The following PKP2 variants were observed in gnomAD, a reference collection of about 807,000 sequenced individuals.
PKP2 encodes plakophilin-2.
In PKP2, 73 loss-of-function variants were observed where a neutral mutation model predicts 83.4. That is an observed-to-expected ratio of 0.88 (90% confidence interval 0.72 to 1.06). The LOEUF is 1.06. Ranked by LOEUF, PKP2 falls within the 50% of genes least tolerant of loss-of-function variation. PKP2 has a pLI of 0.00. For synonymous variants in PKP2, 409 were observed against 430.4 expected, an observed-to-expected ratio of 0.95 and a Z score of 0.62; for missense variants, 966 against 1,065.4, an observed-to-expected ratio of 0.91 and a Z score of 1.30.
At chr12:32,877,736 T>G in intron 3 of PKP2, 110 bp downstream of exon 3, 2 of 815,950 alleles carry the variant, frequency 2.5e-6, no homozygotes, top group Non-Finnish European at 4.2e-6. Flanking sequence ...TAATCACTTA[T>G]CTCTGGAAGC....
chr12:32,870,304 G>A (rs1956884677), intron 3 of PKP2, among the ~76,000 whole-genome samples: 1 of 152,124 alleles, frequency 6.6e-6, no homozygotes. Flanking sequence ...CTGTGTGTGG[G>A]TGGGGGCGGT....
chr12:32,832,624 T>C (rs1390778810), intron 6 of PKP2, among the ~76,000 whole-genome samples: 1 of 152,220 alleles, frequency 6.6e-6, no homozygotes, highest in Non-Finnish European at 1.5e-5. Context: ...TTTCTATTTT[T>C]GGGAAAGCCA....
At chr12:32,802,679 GAC>G in intron 9 of PKP2, 123 bp from the exon 10 acceptor site, 1 of 889,254 alleles carries the variant, frequency 1.1e-6, no homozygotes, top group Admixed American at 2.0e-5. Flanking sequence ...TTTATTTTGA[GAC>G]AAAGTCTCTC....
chr12:32,848,251 C>T (rs1419066656), intron 5 of PKP2, among the ~76,000 whole-genome samples: 9 of 152,024 alleles, frequency 5.9e-5, no homozygotes, highest in Admixed American at 2.0e-4. Context: ...GGCGAAACCC[C>T]GTCTCTACTA....
intron 4 of PKP2, among the ~76,000 whole-genome samples, chr12:32,857,127 A>C (rs990170312): frequency 6.6e-6 from 1 of 152,180 alleles, no homozygotes; most frequent in Non-Finnish European, 1.5e-5. Context: ...AAAGCAAAAG[A>C]AGATAATATG....
chr12:32,877,978 A>G lies in PKP2; in HGVS notation c.902T>C (p.Leu301Pro). The G allele has an allele frequency of 6.2e-7, 1 of 1,614,100 alleles. No individual in the cohort carries two copies. The highest frequency in any genetic ancestry group is 8.5e-7 in the Non-Finnish European group (1 of 1,180,028). The change falls in exon 3 of 13, where the codon CTG becomes CCG. Residue 301 changes from leucine (L) to proline (P), a missense_variant. Physicochemically the swap from Leu to Pro is moderately conservative, Grantham distance 98 (BLOSUM62 -3). Transcript: ENST00000340811. ...GGCGACACTGGGCCCAGCTTCCCTC[A>G]GCGTGCGGGTGCTGTGGAAGGAGCT... ...HQSSFHSTRT[L>P]REAGPSVAVD...
At chr12:32,851,058 A>G (rs1956692866) in intron 4 of PKP2, 85 bp from the exon 5 acceptor site, 1 of 1,049,920 alleles carries the variant, frequency 9.5e-7, no homozygotes, top group African/African-American at 1.6e-5. Context: ...GATGAAGTTT[A>G]CTGATGCTGA....
intron 6 of PKP2, among the ~76,000 whole-genome samples, chr12:32,825,028 T>C (rs563993209): frequency 1.3e-5 from 2 of 152,226 alleles, no homozygotes; most frequent in South Asian, 2.1e-4. Flanking sequence ...TATTTTTTTT[T>C]CCAAAAATGT....
At chr12:32,841,487 T>C (rs1956592017) in intron 5 of PKP2, among the ~76,000 whole-genome samples, 1 of 152,154 alleles carries the variant, frequency 6.6e-6, no homozygotes, top group Admixed American at 6.5e-5. Flanking sequence ...GCTTAAGCAT[T>C]TATTGCTGTT....
chr12:32,843,341 T>C (rs749524107), intron 5 of PKP2: 1 of 1,363,660 alleles, frequency 7.3e-7, no homozygotes, highest in South Asian at 1.1e-5. Context: ...GAAGCATAGG[T>C]ACTCAGGGCA....
At chr12:32,858,071 A>AAT (rs1216260327) in intron 4 of PKP2, among the ~76,000 whole-genome samples, 28 of 52,782 alleles carry the variant, frequency 5.3e-4, no homozygotes, top group African/African-American at 2.7e-3. Flanking sequence ...CTACAAAAAA[A>AAT]AAAAAAAAAA....
chr12:32,872,415 T>C (rs923293205), intron 3 of PKP2, among the ~76,000 whole-genome samples: 2 of 152,066 alleles, frequency 1.3e-5, no homozygotes, highest in African/African-American at 4.8e-5. Flanking sequence ...GCACCTGTAA[T>C]CCCAGCTACT....
intron 9 of PKP2, among the ~76,000 whole-genome samples, chr12:32,819,290 ATACAATACAATAC>A (rs1555142761): frequency 7.0e-5 from 1 of 14,270 alleles, no homozygotes; most frequent in African/African-American, 1.8e-4. Context: ...AATAAATACA[ATACAATACAATAC>A]AATACAATAC....
At chr12:32,886,431 A>T (rs1225214500) in intron 1 of PKP2, among the ~76,000 whole-genome samples, 1 of 152,236 alleles carries the variant, frequency 6.6e-6, no homozygotes, top group African/African-American at 2.4e-5. Flanking sequence ...TAGGAGCTTA[A>T]AAGAAAGCAG....
rs191203416 is a variant in PKP2, at chr12:32,851,925, T to C, written c.1171-952A>G. Among the ~76,000 whole-genome samples, 7 of 152,360 alleles carry C rather than the reference T, an allele frequency of 4.6e-5. No individual in the cohort carries two copies. In the East Asian group the frequency reaches 1.3e-3, roughly 29 times the overall value. Reference sequence around the variant, plus strand: ...AAATACGTAAGAAAGCGCATGCTATTAGAGAAAGGGCACAACCAGGAATGG... The same window carrying C: ...AAATACGTAAGAAAGCGCATGCTATCAGAGAAAGGGCACAACCAGGAATGG... On this transcript the variant is annotated intron_variant, in intron 4 of 12. Coordinates refer to ENST00000340811, the MANE Select transcript of PKP2 (RefSeq NM_001005242.3).
intron 4 of PKP2, among the ~76,000 whole-genome samples, chr12:32,867,624 T>C (rs1400100880): frequency 6.6e-6 from 1 of 152,200 alleles, no homozygotes; most frequent in Non-Finnish European, 1.5e-5. Context: ...ATTTCCAAGA[T>C]ACGGTATAAA....
intron 1 of PKP2, among the ~76,000 whole-genome samples, chr12:32,895,192 C>CAT (rs371098176): frequency 0.017 from 2,565 of 150,128 alleles, 60 homozygotes; most frequent in African/African-American, 0.05. Flanking sequence ...TTTTTAAATA[C>CAT]ATATATATAT....
chr12:32,805,299 T>C (rs1592730783), intron 9 of PKP2, among the ~76,000 whole-genome samples: 1 of 152,152 alleles, frequency 6.6e-6, no homozygotes, highest in African/African-American at 2.4e-5. Context: ...CAGAAGCTCT[T>C]TAGTTTGATT....
At chr12:32,795,886 G>C (rs1351725087) in intron 11 of PKP2, among the ~76,000 whole-genome samples, 1 of 152,162 alleles carries the variant, frequency 6.6e-6, no homozygotes, top group Non-Finnish European at 1.5e-5. Flanking sequence ...CTGACCCTCT[G>C]TTGATACTTT....
Sources: allele counts gnomAD v4.1 joint callset (sites outside exome capture counted in the v4.1 genomes callset), GRCh38; gene constraint gnomAD v4.1.1; transcripts MANE v1.5; gene names NCBI Gene and HGNC (gene_info 2026-07-23, HGNC 2026-07-21).